Variants in RIPK4 observed in about 807,000 individuals in gnomAD.
RIPK4 encodes receptor interacting serine/threonine kinase 4.
RIPK4 carries 17 observed loss-of-function variants against 42.9 expected under a neutral mutation model. That is an observed-to-expected ratio of 0.40 (90% CI 0.27 to 0.59). The LOEUF is 0.59. RIPK4 is among the 20% of genes least tolerant of loss of function. The pLI, the probability that RIPK4 is intolerant of heterozygous loss-of-function variation, is 0.47. For missense variants in RIPK4, 897 were observed against 1,104.4 expected (o/e 0.81, Z 2.66); for synonymous variants, 498 against 499.1 (o/e 1.00, Z 0.03).
At chr21:41,746,088 CT>C in intron 5 of RIPK4, 1 of 703,662 alleles carries the variant, frequency 1.4e-6, no homozygotes, top group Non-Finnish European at 2.6e-6. Flanking sequence ...AGGCGGAAGC[CT>C]TCCCCGGGGG....
intron 1 of RIPK4, among the ~76,000 whole-genome samples, chr21:41,766,477 G>T (rs1351735503): frequency 6.6e-6 from 1 of 152,184 alleles, no homozygotes; most frequent in Non-Finnish European, 1.5e-5. Flanking sequence ...TCCCAAGGGC[G>T]CGGGTCCGAG....
At chr21:41,744,477 T>C (rs959423596) in intron 6 of RIPK4, among the ~76,000 whole-genome samples, 1 of 151,512 alleles carries the variant, frequency 6.6e-6, no homozygotes, top group African/African-American at 2.4e-5. Context: ...GACTTGGAGC[T>C]ACAAAGACTT....
Position 41,744,016 on chromosome 21 carries a change from C to A in RIPK4, c.1061G>T (p.Ser354Ile). 1 of 1,613,380 alleles carries A rather than the reference C, an allele frequency of 6.2e-7. No individual in the cohort carries two copies. The highest frequency in any genetic ancestry group is 8.5e-7 in the Non-Finnish European group (1 of 1,180,020). Reference sequence around the variant, plus strand: ...CAGCTTGGACTCAGAGGAGCTGCGGCTGAGCTCCTCGGGGCCCTCGACAGC... The same window carrying A: ...CAGCTTGGACTCAGAGGAGCTGCGGATGAGCTCCTCGGGGCCCTCGACAGC... ...SQAVEGPEEL[S>I]RSSSESKLPS... Residue 354 changes from serine (S) to isoleucine (I), a missense_variant, in exon 7 of 8, where the codon AGC (serine) becomes ATC (isoleucine). Physicochemically the swap from Ser to Ile is moderately radical, Grantham distance 142. Coordinates refer to ENST00000332512, the MANE Select transcript of RIPK4 (RefSeq NM_020639.3).
Position 41,740,010 on chromosome 21 carries a change from C to T in RIPK4, c.*828G>A, listed in dbSNP as rs1334961406. Reference sequence around the variant, plus strand: ...ACTCCAGCGACCTGAGGGGGCTCGCCTCAGTCCCCAGCACTGAGGTTACAA... The same window carrying T: ...ACTCCAGCGACCTGAGGGGGCTCGCTTCAGTCCCCAGCACTGAGGTTACAA... On this transcript the variant is annotated 3_prime_UTR_variant, in exon 8 of 8. Transcript: ENST00000332512. 6.6e-6 allele frequency: 1 copy of T among 152,124 alleles called. No homozygotes were observed. The highest frequency in any genetic ancestry group is 1.5e-5 in the Non-Finnish European group (1 of 68,032). 9.4% of individuals were successfully genotyped at this position (152,124 alleles called of 1,614,324 possible).
chr21:41,763,613 T>C (rs2061227508), intron 1 of RIPK4, among the ~76,000 whole-genome samples: 1 of 152,232 alleles, frequency 6.6e-6, no homozygotes, highest in Non-Finnish European at 1.5e-5. Context: ...GGAAAATGTG[T>C]TTCATCATCT....
chr21:41,754,776 C>T (rs1225904673), intron 2 of RIPK4, among the ~76,000 whole-genome samples: 1 of 152,146 alleles, frequency 6.6e-6, no homozygotes, highest in Non-Finnish European at 1.5e-5. Flanking sequence ...GCGGGCCACA[C>T]ACCCTGCCCC....
chr21:41,741,120 C>T lies in RIPK4; in HGVS notation c.2073G>A (p.Glu691=), dbSNP rs879792550. 36 of 1,612,600 alleles carry T rather than the reference C, an allele frequency of 2.2e-5. No homozygotes were observed. The highest frequency in any genetic ancestry group is 2.8e-5 in the Non-Finnish European group (33 of 1,179,844). The part of the protein sequence containing the change: ...GHLATVKLLV[E]EKADVLARGP... ...CCCGGGCCAGCACATCGGCCTTCTC[C>T]TCGACAAGCAGCTTGACAGTGGCCA... Residue 691 remains glutamate, a synonymous_variant, in exon 8 of 8, where the codon GAG becomes GAA. Transcript: ENST00000332512.
At position 41,758,533 on chromosome 21, in the gene RIPK4, C is replaced by G. The variant is rs141354353; in HGVS notation, c.183-1717G>C. Among the ~76,000 whole-genome samples the G allele has an allele frequency of 6.6e-5, 10 of 152,344 alleles. No individual in the cohort carries two copies. The East Asian group carries it at 1.7e-3, about 26-fold the overall frequency. Reference sequence around the variant, plus strand: ...TCTGCACACATTGGGGGACAAACGCCTGGAGTCGTGGCTTTCAATTCTTTT... The same window carrying G: ...TCTGCACACATTGGGGGACAAACGCGTGGAGTCGTGGCTTTCAATTCTTTT... On this transcript the variant is annotated intron_variant, in intron 1 of 7. Transcript: ENST00000332512.
At chr21:41,766,480 G>A (rs567579414) in intron 1 of RIPK4, among the ~76,000 whole-genome samples, 38 of 152,308 alleles carry the variant, frequency 2.5e-4, no homozygotes, top group Admixed American at 1.7e-3. Flanking sequence ...CAAGGGCGCG[G>A]GTCCGAGGCG....
In RIPK4 at chr21:41,743,909, A is replaced by G; in HGVS notation, c.1168T>C (p.Ser390Pro). 1.2e-6 allele frequency: 2 copies of G among 1,609,894 alleles called. No individual in the cohort carries two copies. Among genetic ancestry groups the G allele is most frequent in the Non-Finnish European group, 1.7e-6 (2 of 1,178,110 alleles). Residue 390 changes from serine to proline, a missense_variant, in exon 7 of 8, where the codon TCC becomes CCC. Physicochemically the swap from Ser to Pro is moderately conservative, Grantham distance 74. Transcript: ENST00000332512. ...CTGGTTGAAGGTTCCCGCTCAAAGG[A>G]CAGCGACAGTGATCCTCTGGAAGAG... is the stretch of plus-strand genomic sequence containing the variant. ...AFSSRGSLSLSFEREPSTSDL... is the reference protein window; with the variant it reads ...AFSSRGSLSLPFEREPSTSDL...
chr21:41,746,302 C>G, intron 5 of RIPK4: 2 of 592,898 alleles, frequency 3.4e-6, no homozygotes, highest in South Asian at 3.9e-5. Flanking sequence ...CAGGTAAGTC[C>G]CCGGGAAGAG....
At chr21:41,749,587 A>T (rs1464161337) in intron 3 of RIPK4, among the ~76,000 whole-genome samples, 1 of 152,214 alleles carries the variant, frequency 6.6e-6, no homozygotes, top group Non-Finnish European at 1.5e-5. Flanking sequence ...GAAATGGATG[A>T]ATGAATGATG....
At position 41,751,800 on chromosome 21, in the gene RIPK4, C is replaced by T. The variant is rs985738264; in HGVS notation, c.475-555G>A. Among the ~76,000 whole-genome samples, 1 of 152,222 alleles carries T rather than the reference C, an allele frequency of 6.6e-6. No homozygotes were observed. On this transcript the variant is annotated intron_variant, in intron 2 of 7. Coordinates refer to ENST00000332512, the MANE Select transcript of RIPK4 (RefSeq NM_020639.3). The surrounding 1 kb of genome is among the most constrained non-coding windows in gnomAD (Gnocchi z 4.5). Reference sequence around the variant, plus strand: ...ACTTTAAAGCAAACAAAACACACGCCTCAGAGCCCCGTCCATCTGGAGTGT... The same window carrying T: ...ACTTTAAAGCAAACAAAACACACGCTTCAGAGCCCCGTCCATCTGGAGTGT...
chr21:41,743,506 G>A (rs2061160864), intron 7 of RIPK4, among the ~76,000 whole-genome samples: 1 of 152,220 alleles, frequency 6.6e-6, no homozygotes, highest in African/African-American at 2.4e-5. Context: ...CAGCGTCTGA[G>A]CAGAGGGTGC....
At position 41,756,752 on chromosome 21, in the gene RIPK4, G is replaced by C; in HGVS notation, c.247C>G (p.Pro83Ala). The change falls in exon 2 of 8, where the codon CCT becomes GCT. Residue 83 changes from proline (P) to alanine (A), a missense_variant. Coordinates refer to ENST00000332512, the MANE Select transcript of RIPK4 (RefSeq NM_020639.3). ...GGTTCGCGGCAGATGCCATACACAG[G>C]CAGGATGTAGCGAAACTTGGCCATC... ...MEMAKFRYIL[P>A]VYGICREPVG... 2 of 1,614,180 alleles carry C rather than the reference G, an allele frequency of 1.2e-6. No homozygotes were observed. The highest frequency in any genetic ancestry group is 1.7e-6 in the Non-Finnish European group (2 of 1,180,020).
chr21:41,745,597 G>A (rs903069919), intron 6 of RIPK4, among the ~76,000 whole-genome samples, 162 bp downstream of exon 6: 38 of 152,124 alleles, frequency 2.5e-4, no homozygotes, highest in African/African-American at 9.2e-4. Flanking sequence ...GTGGACCTGA[G>A]CCCCCATGGG....
In RIPK4 at chr21:41,746,714, A is replaced by G. The variant is rs2061172894; in HGVS notation, c.731T>C (p.Leu244Pro). The G allele has an allele frequency of 6.2e-7, 1 of 1,609,562 alleles. No individual in the cohort carries two copies. The highest frequency in any genetic ancestry group is 1.3e-5 in the African/African-American group (1 of 74,900). Residue 244 changes from leucine (L) to proline (P), a missense_variant, in exon 5 of 8, where the codon CTG (leucine) becomes CCG (proline). Transcript: ENST00000332512. ...CGGCCGGGCTCTGCACACGGGCGGC[A>G]GCTCGGGGCGGTGGCCCTTCACCAC... Reference protein sequence around the residue: ...VKVVKGHRPELPPVCRARPRA... With the variant: ...VKVVKGHRPEPPPVCRARPRA...
Position 41,751,585 on chromosome 21 carries a change from G to C in RIPK4, c.475-340C>G, listed in dbSNP as rs1375929895. 6.6e-6 allele frequency among the ~76,000 whole-genome samples: 1 copy of C among 152,226 alleles called. No homozygotes were observed. Among genetic ancestry groups the C allele is most frequent in the Non-Finnish European group, 1.5e-5 (1 of 68,046 alleles). ...TTGCCATGGTGGTTGAGAGCCGGCTGAGCCGGCATAAAGGGAAAAAAACAA... is the reference window on the plus strand; with the variant it reads ...TTGCCATGGTGGTTGAGAGCCGGCTCAGCCGGCATAAAGGGAAAAAAACAA... On this transcript the variant is annotated intron_variant, in intron 2 of 7. Coordinates refer to ENST00000332512, the MANE Select transcript of RIPK4 (RefSeq NM_020639.3). This position sits in a 1 kb window ranked among gnomAD's most constrained non-coding sequence, Gnocchi z 4.5.
intron 3 of RIPK4, among the ~76,000 whole-genome samples, chr21:41,749,889 T>TAAAAAAAAAAAAAA (rs776305508): frequency 3.0e-5 from 3 of 99,380 alleles, no homozygotes; most frequent in Admixed American, 1.1e-4. Context: ...CCAAATTGAT[T>TAAAAAAAAAAAAAA]AAAAAAAAAA....
Sources: allele counts gnomAD v4.1 joint callset (sites outside exome capture counted in the v4.1 genomes callset), GRCh38; gene constraint gnomAD v4.1.1; non-coding constraint Gnocchi (gnomAD v3.1); transcripts MANE v1.5; gene names NCBI Gene and HGNC (gene_info 2026-07-23, HGNC 2026-07-21).